The following TBCK variants were observed in gnomAD, a reference collection of about 807,000 sequenced individuals.
TBCK encodes the protein TBC1 domain containing kinase.
Under a neutral mutation model 113.4 loss-of-function variants are expected in TBCK, and 99 were observed. That is an observed-to-expected ratio of 0.87 (90% CI 0.74 to 1.03). TBCK has a LOEUF of 1.03. TBCK is among the 50% of genes least tolerant of loss of function. TBCK has a pLI of 0.00. For synonymous variants in TBCK, 369 were observed against 370.8 expected (o/e 1.00, Z 0.05); for missense variants, 1,045 against 1,061.3 (o/e 0.98, Z 0.21).
chr4:106,154,379 T>C (rs1748881001), intron 23 of TBCK, among the ~76,000 whole-genome samples: 1 of 152,160 alleles, frequency 6.6e-6, no homozygotes, highest in African/African-American at 2.4e-5. Context: ...TTTTAGCTTT[T>C]TGTTTTTCCT....
intron 23 of TBCK, among the ~76,000 whole-genome samples, chr4:106,156,931 T>A (rs1749195259): frequency 6.6e-6 from 1 of 152,136 alleles, no homozygotes; most frequent in South Asian, 2.1e-4. Context: ...TCAATCATAG[T>A]CTCTCCCCAT....
Position 106,242,478 on chromosome 4 carries a change from G to T in TBCK, c.1162C>A (p.Leu388Ile), listed in dbSNP as rs773606670. The change falls in exon 12 of 26, where the codon CTA (leucine) becomes ATA (isoleucine). Residue 388 changes from leucine (L) to isoleucine (I), a missense_variant. Transcript: ENST00000394708. ...CAAAATATCTTTCTTACATTTCTTA[G>T]CTGGCATAACGACAATGTCACAGTG... ...DTTVTLSLCQ[L>I]RNRLKDVGGE... 3.1e-6 allele frequency: 5 copies of T among 1,598,832 alleles called. No individual in the cohort carries two copies. Among genetic ancestry groups the T allele is most frequent in the Non-Finnish European group, 4.3e-6 (5 of 1,173,250 alleles).
intron 15 of TBCK, among the ~76,000 whole-genome samples, chr4:106,233,918 A>C (rs1342770865): frequency 9.2e-5 from 14 of 152,220 alleles, no homozygotes; most frequent in African/African-American, 3.4e-4. Flanking sequence ...TCATGGATTA[A>C]TTACTTAGCT....
intron 25 of TBCK, among the ~76,000 whole-genome samples, chr4:106,051,946 C>G (rs1734859627): frequency 6.6e-6 from 1 of 151,824 alleles, no homozygotes; most frequent in Non-Finnish European, 1.5e-5. Flanking sequence ...AATGATTTAT[C>G]TAATACTGCA....
At chr4:106,279,359 A>C (rs905790017) in intron 3 of TBCK, among the ~76,000 whole-genome samples, 1 of 152,176 alleles carries the variant, frequency 6.6e-6, no homozygotes, top group African/African-American at 2.4e-5. Flanking sequence ...TATGTGGTAC[A>C]TGATATATTC....
chr4:106,275,381 A>T (rs59340315), intron 3 of TBCK, among the ~76,000 whole-genome samples: 2,772 of 152,288 alleles, frequency 0.018, 78 homozygotes, highest in African/African-American at 0.061. Context: ...GGAAATATTG[A>T]CCATTCAATA....
chr4:106,231,294 C>T (rs968071817), intron 18 of TBCK, among the ~76,000 whole-genome samples: 1 of 151,098 alleles, frequency 6.6e-6, no homozygotes, highest in Non-Finnish European at 1.5e-5. Flanking sequence ...TATTAGAATA[C>T]AAGATAGACA....
chr4:106,265,813 T>A (rs1762945705), intron 3 of TBCK, among the ~76,000 whole-genome samples: 1 of 151,782 alleles, frequency 6.6e-6, no homozygotes, highest in African/African-American at 2.4e-5. Flanking sequence ...ACCTCAAATA[T>A]TACCTCTGGT....
chr4:106,209,665 A>T (rs1460987373), intron 20 of TBCK, among the ~76,000 whole-genome samples: 1 of 152,170 alleles, frequency 6.6e-6, no homozygotes, highest in Non-Finnish European at 1.5e-5. Context: ...TTGTATGGTC[A>T]TCTCTGTCAT....
At chr4:106,271,449 G>C (rs1763472255) in intron 3 of TBCK, among the ~76,000 whole-genome samples, 3 of 151,896 alleles carry the variant, frequency 2.0e-5, no homozygotes, top group African/African-American at 7.3e-5. Context: ...AGCTAATTTA[G>C]CTCAAATACT....
chr4:106,183,726 T>C (rs1162149956), intron 22 of TBCK, among the ~76,000 whole-genome samples: 2 of 152,246 alleles, frequency 1.3e-5, no homozygotes, highest in African/African-American at 4.8e-5. Flanking sequence ...AGTTTTCTTA[T>C]TGCTAAACAT....
At chr4:106,286,663 A>T (rs1579514521) in intron 3 of TBCK, among the ~76,000 whole-genome samples, 4 of 152,230 alleles carry the variant, frequency 2.6e-5, no homozygotes, top group Non-Finnish European at 5.9e-5. Flanking sequence ...CCCTGTATAT[A>T]CAAAAAATAA....
chr4:106,282,830 C>T (rs1393423975), intron 3 of TBCK, among the ~76,000 whole-genome samples: 1 of 152,062 alleles, frequency 6.6e-6, no homozygotes, highest in Non-Finnish European at 1.5e-5. Flanking sequence ...GACAGAAACA[C>T]ATGACAAGAA....
intron 25 of TBCK, among the ~76,000 whole-genome samples, chr4:106,082,674 A>G (rs1489833788): frequency 6.6e-6 from 1 of 152,224 alleles, no homozygotes; most frequent in Non-Finnish European, 1.5e-5. Context: ...GGGCAGGGCC[A>G]AGATGGCTGA....
intron 23 of TBCK, among the ~76,000 whole-genome samples, chr4:106,125,220 C>T (rs1372048467): frequency 1.3e-5 from 2 of 152,068 alleles, no homozygotes; most frequent in African/African-American, 4.8e-5. Context: ...AATCCCACTG[C>T]TGGGTATATA....
chr4:106,168,336 A>C (rs1750627140), intron 23 of TBCK, among the ~76,000 whole-genome samples: 1 of 151,956 alleles, frequency 6.6e-6, no homozygotes, highest in Admixed American at 6.6e-5. Flanking sequence ...GGAATAAAAG[A>C]GACCTTACTC....
chr4:106,085,810 C>T (rs1303444558), intron 25 of TBCK, among the ~76,000 whole-genome samples: 1 of 152,212 alleles, frequency 6.6e-6, no homozygotes, highest in East Asian at 1.9e-4. Flanking sequence ...CTCAAAACCA[C>T]ATAGTTTCAT....
intron 22 of TBCK, among the ~76,000 whole-genome samples, chr4:106,188,885 A>G (rs1753341886): frequency 6.6e-6 from 1 of 152,200 alleles, no homozygotes; most frequent in Non-Finnish European, 1.5e-5. Context: ...CAGAGTCTTC[A>G]TCAGTCATGC....
chr4:106,057,371 C>T (rs1735555648), intron 25 of TBCK, among the ~76,000 whole-genome samples: 1 of 151,672 alleles, frequency 6.6e-6, no homozygotes, highest in South Asian at 2.1e-4. Context: ...TTTGGCAAAC[C>T]TTAATACAAA....
Sources: gnomAD v4.1 joint callset for allele counts (sites outside exome capture counted in the v4.1 genomes callset) on GRCh38, gnomAD v4.1.1 for gene constraint, MANE v1.5 for transcripts, NCBI Gene and HGNC (gene_info 2026-07-23, HGNC 2026-07-21) for gene names.